Variants in PIEZO1 observed in about 807,000 individuals in gnomAD.
The protein encoded by PIEZO1 is piezo-type mechanosensitive ion channel component 1.
PIEZO1 carries 296 observed loss-of-function variants against 297.2 expected under a neutral mutation model. That is an observed-to-expected ratio of 1.00 (90% CI 0.91 to 1.10). The LOEUF (loss-of-function observed/expected upper bound fraction) is 1.10, where lower values mean the gene tolerates loss of function less well. Ranked by LOEUF, PIEZO1 falls within the 50% of genes least tolerant of loss-of-function variation. PIEZO1 has a pLI of 0.00. For missense variants in PIEZO1, 5,018 were observed against 3,455.5 expected (o/e 1.45, Z -11.34); for synonymous variants, 2,427 against 1,507.5 (o/e 1.61, Z -14.13).
At chr16:88,764,571 C>A (rs1358727866) in intron 1 of PIEZO1, among the ~76,000 whole-genome samples, 1 of 151,772 alleles carries the variant, frequency 6.6e-6, no homozygotes, top group Non-Finnish European at 1.5e-5. Flanking sequence ...GCCAACATGA[C>A]GAAACCCCGT....
rs767599437 is a variant in PIEZO1, at chr16:88,734,633, C to T, written c.1997+17G>A. The T allele has an allele frequency of 2.6e-5, 40 of 1,550,082 alleles. No individual in the cohort carries two copies. In the South Asian group the frequency reaches 4.8e-4, roughly 18 times the overall value. Reference sequence around the variant, plus strand: ...GGGTTTCGGCGCCCCTGCCCCACCGCCCCAGCCTGGACTCACTGCTCGTCG... The same window carrying T: ...GGGTTTCGGCGCCCCTGCCCCACCGTCCCAGCCTGGACTCACTGCTCGTCG... On this transcript the variant is annotated intron_variant, in intron 15 of 50. Transcript: ENST00000301015.
chr16:88,716,761 C>T (rs755533792), intron 46 of PIEZO1, 30 bp from the exon 47 acceptor site: 452 of 1,548,638 alleles, frequency 2.9e-4, no homozygotes, highest in Admixed American at 5.1e-4. Flanking sequence ...TCAGTGACTG[C>T]AGCCGCCTCC....
chr16:88,716,752 C>A, intron 46 of PIEZO1, 21 bp from the exon 47 acceptor site: 1 of 1,548,536 alleles, frequency 6.5e-7, no homozygotes, highest in Non-Finnish European at 8.7e-7. Context: ...GTGACACCCT[C>A]AGTGACTGCA....
intron 3 of PIEZO1, 86 bp downstream of exon 3, chr16:88,742,214 C>T (rs1425281619): frequency 1.3e-5 from 20 of 1,484,430 alleles, no homozygotes; most frequent in Non-Finnish European, 1.7e-5. Context: ...GCTGAGTCAA[C>T]CCCCCCAGGA....
chr16:88,715,617 A>C lies in PIEZO1; in HGVS notation c.7554T>G (p.Arg2518=). 1.9e-6 allele frequency: 3 copies of C among 1,549,548 alleles called. No homozygotes were observed. The highest frequency in any genetic ancestry group is 1.7e-4 in the Middle Eastern group (1 of 5,986). The change falls in exon 51 of 51, where the codon CGT becomes CGG. Residue 2518 remains arginine, a synonymous_variant. Coordinates refer to ENST00000301015, the MANE Select transcript of PIEZO1 (RefSeq NM_001142864.4). Reference sequence around the variant, plus strand: ...CCAGCAGCAGCTCCTACTCCTTCTCACGAGTCCACTTGATCATGGTCTCCG... The same window carrying C: ...CCAGCAGCAGCTCCTACTCCTTCTCCCGAGTCCACTTGATCATGGTCTCCG... ...RSPETMIKWT[R]EKE
Position 88,736,378 on chromosome 16 carries a change from T to A in PIEZO1, c.1327A>T (p.Thr443Ser). 1 of 1,549,496 alleles carries A rather than the reference T, an allele frequency of 6.5e-7. No homozygotes were observed. Among genetic ancestry groups the A allele is most frequent in the Non-Finnish European group, 8.7e-7 (1 of 1,146,680 alleles). Residue 443 changes from threonine to serine, a missense_variant, in exon 12 of 51, where the codon ACC (threonine) becomes TCC (serine). Coordinates refer to ENST00000301015, the MANE Select transcript of PIEZO1 (RefSeq NM_001142864.4). The stretch of plus-strand genomic sequence containing the variant: ...CAGGCCCAGAGCAGCAGTACGAAGG[T>A]CAGCCAGCTGTGGTAGGTGATGCTC... ...VWSITYHSWLTFVLLLWACLI... is the reference protein window; with the variant it reads ...VWSITYHSWLSFVLLLWACLI...
At chr16:88,721,033 G>A in intron 39 of PIEZO1, 133 bp downstream of exon 39, 2 of 970,568 alleles carry the variant, frequency 2.1e-6, no homozygotes, top group Non-Finnish European at 3.0e-6. Context: ...CTGTGGCTCA[G>A]AAGTGGCACC....
At chr16:88,743,093 C>T (rs995502520) in intron 2 of PIEZO1, 3 of 456,624 alleles carry the variant, frequency 6.6e-6, no homozygotes, top group East Asian at 6.9e-5. Flanking sequence ...GAAGCGGCAG[C>T]ACCATCTGGT....
At chr16:88,724,954 G>A (rs1242446176) in intron 30 of PIEZO1, 55 bp downstream of exon 30, 27 of 1,137,864 alleles carry the variant, frequency 2.4e-5, no homozygotes, top group Non-Finnish European at 3.0e-5. Context: ...GCAGAGGACA[G>A]ATGGGGGCAC....
In PIEZO1 at chr16:88,734,517, C is replaced by A; in HGVS notation, c.2019G>T (p.Glu673Asp). The change falls in exon 16 of 51, where the codon GAG becomes GAT. Residue 673 changes from glutamate (E) to aspartate (D), a missense_variant. Transcript: ENST00000301015. ...AGAAGAGCTCGGACACGCTGAACTG[C>A]TCCAGGCCCAGGTCCCCCAGCCTGT... ...TDEQLGDLGL[E>D]QFSVSELFSS... 6.5e-7 allele frequency: 1 copy of A among 1,544,818 alleles called. No individual in the cohort carries two copies. Among genetic ancestry groups the A allele is most frequent in the Non-Finnish European group, 8.7e-7 (1 of 1,143,784 alleles).
intron 44 of PIEZO1, chr16:88,718,099 A>T: frequency 9.2e-6 from 2 of 217,530 alleles, no homozygotes; most frequent in Non-Finnish European, 1.9e-5. Context: ...TGGAGAAAGG[A>T]TTTGAATAGA....
chr16:88,732,870 C>A, intron 19 of PIEZO1, 138 bp from the exon 20 acceptor site: 1 of 862,862 alleles, frequency 1.2e-6, no homozygotes, highest in Non-Finnish European at 1.8e-6. Context: ...AGCCTTGGAG[C>A]CACCTTCACG....
At chr16:88,757,856 A>G (rs1354385610) in intron 1 of PIEZO1, among the ~76,000 whole-genome samples, 1 of 152,164 alleles carries the variant, frequency 6.6e-6, no homozygotes, top group Non-Finnish European at 1.5e-5. Flanking sequence ...AGACTCCCCC[A>G]GCAGCCTCAG....
intron 5 of PIEZO1, chr16:88,741,129 A>G (rs892264066): frequency 2.2e-5 from 4 of 185,458 alleles, no homozygotes; most frequent in Non-Finnish European, 3.4e-5. Context: ...GCCCCTTCTC[A>G]GCCCTTCTGC....
chr16:88,764,313 C>G (rs1907068265), intron 1 of PIEZO1, among the ~76,000 whole-genome samples: 1 of 152,140 alleles, frequency 6.6e-6, no homozygotes, highest in Non-Finnish European at 1.5e-5. Context: ...AACCCATTCT[C>G]CAGAGCTGAA....
At chr16:88,724,897 C>T (rs1904322291) in intron 30 of PIEZO1, 112 bp downstream of exon 30, 1 of 700,078 alleles carries the variant, frequency 1.4e-6, no homozygotes, top group Admixed American at 4.0e-5. Context: ...CGTCCTGACG[C>T]TCAGGGCCTG....
In PIEZO1 at chr16:88,721,527, C is replaced by T. The variant is rs1351424268; in HGVS notation, c.5403+11G>A. ...CCCAGCCCCGCATTGCCAGCCAAGG[C>T]TCACACTCACCAGCAGCTGGGAGCG... On this transcript the variant is annotated intron_variant, in intron 38 of 50. Transcript: ENST00000301015. The T allele has an allele frequency of 2.0e-5, 31 of 1,546,664 alleles. No homozygotes were observed. The highest frequency in any genetic ancestry group is 2.5e-5 in the Non-Finnish European group (29 of 1,144,468).
chr16:88,750,729 T>A (rs1318825796), intron 1 of PIEZO1, among the ~76,000 whole-genome samples: 1 of 152,176 alleles, frequency 6.6e-6, no homozygotes, highest in Non-Finnish European at 1.5e-5. Flanking sequence ...CCTGATGTCG[T>A]CTCCTCGCAG....
intron 1 of PIEZO1, among the ~76,000 whole-genome samples, chr16:88,756,214 G>A (rs540642141): frequency 5.9e-5 from 9 of 152,322 alleles, no homozygotes; most frequent in African/African-American, 2.2e-4. Context: ...AGGGTGTGCA[G>A]GACGCCCACA....
Sources: gnomAD v4.1 joint callset for allele counts (sites outside exome capture counted in the v4.1 genomes callset) on GRCh38, gnomAD v4.1.1 for gene constraint, MANE v1.5 for transcripts, NCBI Gene and HGNC (gene_info 2026-07-23, HGNC 2026-07-21) for gene names.